Variants in EPB41L4A observed in about 807,000 individuals in gnomAD.
EPB41L4A encodes band 4.1-like protein 4A.
EPB41L4A carries 100 observed loss-of-function variants against 108.6 expected under a neutral mutation model. The ratio of observed to expected loss-of-function variants is 0.92; its 90% CI spans 0.78 to 1.09. The LOEUF (loss-of-function observed/expected upper bound fraction) is 1.09. EPB41L4A is among the 50% of genes least tolerant of loss of function. The probability of loss-of-function intolerance (pLI) is 0.00; values close to 1 mark genes in which losing one functional copy is unlikely to be tolerated. For missense variants in EPB41L4A, 1,030 were observed against 842.7 expected, an observed-to-expected ratio of 1.22 and a Z score of -2.75; for synonymous variants, 319 against 289.0, an observed-to-expected ratio of 1.10 and a Z score of -1.05.
rs80169026 is a variant in EPB41L4A, at chr5:112,238,354, C to T, written c.965+1306G>A. The stretch of plus-strand genomic sequence containing the variant: ...TAAACATTAACATATCAATGAATAC[C>T]TTCATGTAAATTCCAAGAATATCTA... On this transcript the variant is annotated intron_variant, in intron 11 of 22. Transcript: ENST00000261486. Among the ~76,000 whole-genome samples, 586 of 152,244 alleles carry T rather than the reference C, an allele frequency of 3.8e-3. 8 individuals carry two copies. Among genetic ancestry groups the T allele is most frequent in the African/African-American group, 0.014 (568 of 41,538 alleles).
chr5:112,303,134 A>G (rs944815879), intron 2 of EPB41L4A, among the ~76,000 whole-genome samples: 17 of 152,200 alleles, frequency 1.1e-4, no homozygotes, highest in Admixed American at 2.0e-4. Flanking sequence ...CAGGACTCAC[A>G]TTATCACTTA....
chr5:112,238,972 A>C lies in EPB41L4A; in HGVS notation c.965+688T>G, dbSNP rs577946957. Among the ~76,000 whole-genome samples, 6 of 152,318 alleles carry C rather than the reference A, an allele frequency of 3.9e-5. No homozygotes were observed. In the East Asian group the frequency reaches 1.2e-3, roughly 29 times the overall value. On this transcript the variant is annotated intron_variant, in intron 11 of 22. Transcript: ENST00000261486. ...CAGGCTTTTTCCACAACAGGCTAACAGTTTGCCTAATGGTTATAAACATGA... is the reference window on the plus strand; with the variant it reads ...CAGGCTTTTTCCACAACAGGCTAACCGTTTGCCTAATGGTTATAAACATGA...
intron 17 of EPB41L4A, among the ~76,000 whole-genome samples, chr5:112,186,049 C>A (rs1230996710): frequency 6.6e-6 from 1 of 152,132 alleles, no homozygotes; most frequent in Non-Finnish European, 1.5e-5. Context: ...TACAGGAACC[C>A]ACACCTGGAT....
intron 20 of EPB41L4A, 25 bp downstream of exon 20, chr5:112,170,276 T>C: frequency 6.2e-7 from 1 of 1,607,314 alleles, no homozygotes; most frequent in Non-Finnish European, 8.5e-7. Context: ...AAAGCTTTGG[T>C]GAGAAGATTC....
chr5:112,303,832 C>A (rs1218042006), intron 2 of EPB41L4A, among the ~76,000 whole-genome samples: 3 of 152,006 alleles, frequency 2.0e-5, no homozygotes, highest in Non-Finnish European at 4.4e-5. Context: ...GAAGTTTACG[C>A]GTGATGCAGA....
rs544480502 is a variant in EPB41L4A at position 112,163,026 on chromosome 5, G to C, written c.*1964C>G. On this transcript the variant is annotated 3_prime_UTR_variant, in exon 23 of 23. Coordinates refer to ENST00000261486, the MANE Select transcript of EPB41L4A (RefSeq NM_022140.5). The stretch of plus-strand genomic sequence containing the variant: ...GTTACAAAATGAGGCTGAAGAGGTA[G>C]GTAAAGAAGCCAGACCACTTCAGGC... 6.6e-6 allele frequency: 1 copy of C among 152,308 alleles called. No individual in the cohort carries two copies. The highest frequency in any genetic ancestry group is 2.1e-4 in the South Asian group (1 of 4,824). The allele number at this position is 152,308 out of a possible 1,614,324, so 9.4% of individuals were successfully genotyped here.
At chr5:112,237,481 A>G (rs1475779654) in intron 11 of EPB41L4A, among the ~76,000 whole-genome samples, 1 of 152,194 alleles carries the variant, frequency 6.6e-6, no homozygotes, top group African/African-American at 2.4e-5. Flanking sequence ...CCACAAAGAC[A>G]CTAACACATC....
chr5:112,186,881 T>A (rs1033841373), intron 17 of EPB41L4A, among the ~76,000 whole-genome samples: 1 of 152,212 alleles, frequency 6.6e-6, no homozygotes, highest in Non-Finnish European at 1.5e-5. Flanking sequence ...CACTTTGTCC[T>A]TAAGAGGCAG....
intron 18 of EPB41L4A, chr5:112,183,271 G>A (rs946194066): frequency 2.6e-5 from 4 of 152,052 alleles, no homozygotes; most frequent in African/African-American, 7.3e-5. Context: ...TATCATACAC[G>A]ACTGGACTTA....
chr5:112,328,859 T>C (rs150972017), intron 1 of EPB41L4A, among the ~76,000 whole-genome samples: 47 of 152,384 alleles, frequency 3.1e-4, no homozygotes, highest in African/African-American at 1.0e-3. Flanking sequence ...AATTACCTTA[T>C]GTGAATCACT....
rs1760975017 is a variant in EPB41L4A at position 112,391,965 on chromosome 5, C to T, written c.99+26976G>A. ...AATTTTCAACCCAGAATTTCATATA[C>T]AGCCAAACTAAACTTCATAAGTGAT... On this transcript the variant is annotated intron_variant, in intron 1 of 22. Coordinates refer to ENST00000261486, the MANE Select transcript of EPB41L4A (RefSeq NM_022140.5). Among the ~76,000 whole-genome samples the T allele has an allele frequency of 2.0e-5, 3 of 152,176 alleles. No individual in the cohort carries two copies. The East Asian group carries it at 5.8e-4, about 29-fold the overall frequency.
intron 14 of EPB41L4A, 122 bp from the exon 15 acceptor site, chr5:112,204,610 C>T (rs1319242212): frequency 2.9e-5 from 16 of 548,444 alleles, no homozygotes; most frequent in African/African-American, 7.4e-5. Context: ...ACCAGGGGCA[C>T]GTGGTTCTCT....
At chr5:112,326,193 C>T (rs1289370084) in intron 1 of EPB41L4A, among the ~76,000 whole-genome samples, 1 of 152,178 alleles carries the variant, frequency 6.6e-6, no homozygotes, top group East Asian at 1.9e-4. Flanking sequence ...CCAAACCATT[C>T]GAAATCTTCC....
intron 5 of EPB41L4A, among the ~76,000 whole-genome samples, 184 bp from the exon 6 acceptor site, chr5:112,265,200 T>C (rs183812416): frequency 2.6e-5 from 4 of 152,304 alleles, no homozygotes; most frequent in Admixed American, 1.3e-4. Flanking sequence ...AGCAACAAAT[T>C]CTGGACTTAA....
Position 112,239,722 on chromosome 5 carries a change from T to C in EPB41L4A, c.903A>G (p.Glu301=). 6.2e-7 allele frequency: 1 copy of C among 1,609,048 alleles called. No homozygotes were observed. The highest frequency in any genetic ancestry group is 8.5e-7 in the Non-Finnish European group (1 of 1,177,368). The stretch of plus-strand genomic sequence containing the variant: ...TGAGTTTTCTTGACAGTGAATTGGA[T>C]TCATTTTCTGGCATTCTAATCAATT... The part of the protein sequence containing the change: ...HHTFFRMPEN[E]SNSLSRKLSK... The change falls in exon 11 of 23, where the codon GAA becomes GAG. Residue 301 remains glutamate (E), a synonymous_variant. Transcript: ENST00000261486.
chr5:112,159,297 G>C (rs941964657), downstream of EPB41L4A, among the ~76,000 whole-genome samples: 1 of 152,022 alleles, frequency 6.6e-6, no homozygotes, highest in Non-Finnish European at 1.5e-5. Context: ...ATAGAAGTAG[G>C]CTTCAAAGAA....
intron 1 of EPB41L4A, among the ~76,000 whole-genome samples, chr5:112,381,440 G>A (rs1057237780): frequency 6.6e-6 from 1 of 152,354 alleles, no homozygotes; most frequent in African/African-American, 2.4e-5. Context: ...CCCAAGGCCA[G>A]TTACTGAAAG....
intron 18 of EPB41L4A, among the ~76,000 whole-genome samples, chr5:112,181,333 C>T (rs1288307940): frequency 1.3e-5 from 2 of 152,108 alleles, no homozygotes; most frequent in Non-Finnish European, 2.9e-5. Flanking sequence ...CGCCTCTTGT[C>T]CCAGCTACTC....
intron 12 of EPB41L4A, among the ~76,000 whole-genome samples, chr5:112,220,889 C>A (rs906744630): frequency 6.6e-6 from 1 of 152,150 alleles, no homozygotes; most frequent in Non-Finnish European, 1.5e-5. Flanking sequence ...AACAACCAAC[C>A]TTTGCTAAGC....
Sources: gnomAD v4.1 joint callset for allele counts (sites outside exome capture counted in the v4.1 genomes callset) on GRCh38, gnomAD v4.1.1 for gene constraint, MANE v1.5 for transcripts, NCBI Gene and HGNC (gene_info 2026-07-23, HGNC 2026-07-21) for gene names.